The following PTGFRN variants were observed in gnomAD, a reference collection of about 807,000 sequenced individuals.
PTGFRN encodes the protein prostaglandin F2 receptor inhibitor.
A neutral mutation model predicts 83.2 loss-of-function variants in PTGFRN; 35 were observed. That is an observed-to-expected ratio of 0.42 (90% CI 0.32 to 0.56). The LOEUF is 0.56. PTGFRN is among the 20% of genes least tolerant of loss of function. The pLI is 0.11. For missense variants in PTGFRN, 1,051 were observed against 1,179.5 expected, an observed-to-expected ratio of 0.89 and a Z score of 1.60; for synonymous variants, 519 against 498.6, an observed-to-expected ratio of 1.04 and a Z score of -0.55.
rs1368780086 is a variant in PTGFRN at position 116,967,186 on chromosome 1, C to T, written c.1915C>T (p.Arg639Cys). 6 of 1,614,016 alleles carry T rather than the reference C, an allele frequency of 3.7e-6. No individual in the cohort carries two copies. The highest frequency in any genetic ancestry group is 1.7e-5 in the Admixed American group (1 of 60,002). Residue 639 changes from arginine (R) to cysteine (C), a missense_variant, in exon 6 of 9, where the codon CGC (arginine) becomes TGC (cysteine). By Grantham distance (180) the Arg-to-Cys change is radical. Coordinates refer to ENST00000393203, the MANE Select transcript of PTGFRN (RefSeq NM_020440.4). ...VLEKVQEDEF[R>C]YRMYQTQVSD... ...AGAAAAAGTGCAGGAGGATGAGTTCCGCTATCGAATGTACCAGACTCAGGT... is the reference window on the plus strand; with the variant it reads ...AGAAAAAGTGCAGGAGGATGAGTTCTGCTATCGAATGTACCAGACTCAGGT...
Position 116,986,924 on chromosome 1 carries a change from C to G in PTGFRN, c.2597C>G (p.Thr866Arg). 2 of 1,614,256 alleles carry G rather than the reference C, an allele frequency of 1.2e-6. No individual in the cohort carries two copies. The highest frequency in any genetic ancestry group is 2.7e-5 in the African/African-American group (2 of 75,070). The change falls in exon 9 of 9, where the codon ACA (threonine) becomes AGA (arginine). Residue 866 changes from threonine (T) to arginine (R), a missense_variant. Coordinates refer to ENST00000393203, the MANE Select transcript of PTGFRN (RefSeq NM_020440.4). The stretch of plus-strand genomic sequence containing the variant: ...TGTTGTAAGAAGGAGGTTCAGGAGA[C>G]ACGGCGCGAGCGCCGCAGGCTCATG... ...HWCCKKEVQETRRERRRLMSM... is the reference protein window; with the variant it reads ...HWCCKKEVQERRRERRRLMSM...
chr1:116,954,527 C>T (rs1032507629), intron 4 of PTGFRN, among the ~76,000 whole-genome samples: 15 of 152,210 alleles, frequency 9.9e-5, no homozygotes, highest in African/African-American at 3.6e-4. Flanking sequence ...ATGTAATTAG[C>T]TGTGCCAAGT....
chr1:116,985,464 C>T (rs1034330603), intron 8 of PTGFRN, among the ~76,000 whole-genome samples: 49 of 152,012 alleles, frequency 3.2e-4, no homozygotes, highest in Admixed American at 1.2e-3. Context: ...TTTGGGAGGC[C>T]GAGGCGGGCG....
chr1:116,961,673 G>C lies in PTGFRN; in HGVS notation c.1639+5G>C, dbSNP rs1557744270. The C allele has an allele frequency of 1.1e-5, 18 of 1,593,994 alleles. No individual in the cohort carries two copies. Among genetic ancestry groups the C allele is most frequent in the Non-Finnish European group, 1.5e-5 (18 of 1,170,050 alleles). ...ACATATTTTGGGCATTAGAAGGTAGGAACTTTTTTCTTGTTATTCATTTTT... is the reference window on the plus strand; with the variant it reads ...ACATATTTTGGGCATTAGAAGGTAGCAACTTTTTTCTTGTTATTCATTTTT... On this transcript the variant is annotated splice_donor_5th_base_variant and intron_variant, in intron 5 of 8. Transcript: ENST00000393203. The surrounding 1 kb of genome is among the most constrained non-coding windows in gnomAD (Gnocchi z 5.4).
At chr1:116,982,930 C>A (rs982447380) in intron 7 of PTGFRN, among the ~76,000 whole-genome samples, 2 of 152,110 alleles carry the variant, frequency 1.3e-5, no homozygotes, top group Non-Finnish European at 2.9e-5. Flanking sequence ...GAGGCCCAGC[C>A]CACCAGCTGG....
rs1423820950 is a variant in PTGFRN, at chr1:116,989,224, ACT to A, written c.*2258_*2259del. 1 of 152,144 alleles carries A rather than the reference ACT, an allele frequency of 6.6e-6. No homozygotes were observed. The highest frequency in any genetic ancestry group is 1.5e-5 in the Non-Finnish European group (1 of 68,082). The allele number at this position is 152,144 out of a possible 1,614,324, so 9.4% of individuals were successfully genotyped here. On this transcript the variant is annotated 3_prime_UTR_variant, in exon 9 of 9. Transcript: ENST00000393203. ...TACACACTGTACCTTTTCCTTTCAT[ACT>A]GATGCTGCAGTTCAGGGCTGGAGTT... is the stretch of plus-strand genomic sequence containing the variant.
At chr1:116,934,624 C>T (rs1473321317) in intron 1 of PTGFRN, among the ~76,000 whole-genome samples, 1 of 151,880 alleles carries the variant, frequency 6.6e-6, no homozygotes, top group African/African-American at 2.4e-5. Context: ...AGTTAGTTTA[C>T]AATCTGTGTC....
intron 1 of PTGFRN, among the ~76,000 whole-genome samples, chr1:116,937,342 A>G (rs1021795999): frequency 1.3e-5 from 2 of 152,204 alleles, no homozygotes. Context: ...GATATAACCC[A>G]ACTTAAATTT....
chr1:116,986,901 T>G lies in PTGFRN; in HGVS notation c.2574T>G (p.Cys858Trp), dbSNP rs778535659. 1.2e-5 allele frequency: 19 copies of G among 1,614,178 alleles called. No individual in the cohort carries two copies. The highest frequency in any genetic ancestry group is 3.3e-5 in the South Asian group (3 of 91,086). ...CLIGYCSSHW[C>W]CKKEVQETRR... ...TCGGGTACTGCAGCTCCCACTGGTG[T>G]TGTAAGAAGGAGGTTCAGGAGACAC... The change falls in exon 9 of 9, where the codon TGT (cysteine) becomes TGG (tryptophan). Residue 858 changes from cysteine (C) to tryptophan (W), a missense_variant. Transcript: ENST00000393203.
At chr1:116,957,568 G>T (rs1202868491) in intron 4 of PTGFRN, among the ~76,000 whole-genome samples, 1 of 152,006 alleles carries the variant, frequency 6.6e-6, no homozygotes, top group Admixed American at 6.5e-5. Context: ...TTGTTGAATG[G>T]CTAAATCAAG....
intron 1 of PTGFRN, among the ~76,000 whole-genome samples, chr1:116,935,927 T>C (rs532358163): frequency 6.6e-6 from 1 of 152,352 alleles, no homozygotes; most frequent in South Asian, 2.1e-4. Flanking sequence ...TGAAGGTTTC[T>C]TATATTGACT....
Position 116,961,976 on chromosome 1 carries a change from C to G in PTGFRN, c.1639+308C>G, listed in dbSNP as rs944741206. 6.6e-6 allele frequency among the ~76,000 whole-genome samples: 1 copy of G among 152,174 alleles called. No individual in the cohort carries two copies. Among genetic ancestry groups the G allele is most frequent in the Non-Finnish European group, 1.5e-5 (1 of 68,042 alleles). On this transcript the variant is annotated intron_variant, in intron 5 of 8. Coordinates refer to ENST00000393203, the MANE Select transcript of PTGFRN (RefSeq NM_020440.4). This position sits in a 1 kb window ranked among gnomAD's most constrained non-coding sequence, Gnocchi z 5.4. Reference sequence around the variant, plus strand: ...TAAACATGGTGACTCTGAGGACACTCTTTCCCCTGGAGAAACCGTTACCTC... The same window carrying G: ...TAAACATGGTGACTCTGAGGACACTGTTTCCCCTGGAGAAACCGTTACCTC...
intron 4 of PTGFRN, among the ~76,000 whole-genome samples, chr1:116,953,166 G>A: frequency 6.6e-6 from 1 of 152,216 alleles, no homozygotes; most frequent in East Asian, 1.9e-4. Context: ...GAGTTCTGCT[G>A]TTCAGTCTTA....
chr1:116,910,316 G>A, intron 1 of PTGFRN, 64 bp downstream of exon 1: 1 of 1,246,422 alleles, frequency 8.0e-7, no homozygotes, highest in Non-Finnish European at 1.0e-6. Flanking sequence ...GGCTCGGCGG[G>A]GCGCGGCTGC....
chr1:116,975,634 A>G (rs1056470528), intron 7 of PTGFRN, among the ~76,000 whole-genome samples: 11 of 152,234 alleles, frequency 7.2e-5, no homozygotes, highest in African/African-American at 2.7e-4. Flanking sequence ...GACCTCCAGC[A>G]AACTCCAACA....
intron 5 of PTGFRN, among the ~76,000 whole-genome samples, chr1:116,962,172 A>G (rs966220794): frequency 6.6e-6 from 1 of 152,126 alleles, no homozygotes. Flanking sequence ...TCGTGTCATC[A>G]TCACACCATA....
intron 1 of PTGFRN, among the ~76,000 whole-genome samples, chr1:116,935,045 C>G (rs752457737): frequency 7.2e-5 from 11 of 152,162 alleles, no homozygotes; most frequent in Non-Finnish European, 1.2e-4. Context: ...AAAAATTTTA[C>G]TTAACCTTTA....
chr1:116,910,464 C>T (rs1649237972), intron 1 of PTGFRN, among the ~76,000 whole-genome samples: 1 of 151,056 alleles, frequency 6.6e-6, no homozygotes, highest in Admixed American at 6.6e-5. Context: ...GCCCCGCGCG[C>T]GGGGTGCAAG....
Position 116,986,836 on chromosome 1 carries a change from G to C in PTGFRN, c.2509G>C (p.Val837Leu). ...CTTCAAGTATCCCTTGCTGATCGGC[G>C]TCGGTCTGTCCACGGTCATCGGGCT... ...NAFKYPLLIG[V>L]GLSTVIGLLS... The change falls in exon 9 of 9, where the codon GTC becomes CTC. Residue 837 changes from valine (V) to leucine (L), a missense_variant. By Grantham distance (32) the Val-to-Leu change is conservative. Transcript: ENST00000393203. 6.2e-7 allele frequency: 1 copy of C among 1,613,856 alleles called. No individual in the cohort carries two copies.
Sources: gnomAD v4.1 joint callset for allele counts (sites outside exome capture counted in the v4.1 genomes callset) on GRCh38, gnomAD v4.1.1 for gene constraint, Gnocchi (gnomAD v3.1) non-coding constraint, MANE v1.5 for transcripts, NCBI Gene and HGNC (gene_info 2026-07-23, HGNC 2026-07-21) for gene names.